C18orf54: variants seen among roughly 807,000 people sequenced by gnomAD.
The protein encoded by C18orf54 is lung adenoma susceptibility protein 2.
Under a neutral mutation model 49.3 loss-of-function variants are expected in C18orf54, and 49 were observed. The ratio of observed to expected loss-of-function variants is 0.99; its 90% CI spans 0.79 to 1.26. C18orf54 has a LOEUF of 1.26. Among genes scored for constraint, C18orf54 ranks in the 50% most tolerant of loss-of-function variants. The pLI, the probability that C18orf54 is intolerant of heterozygous loss-of-function variation, is 0.00. For missense variants in C18orf54, 687 were observed against 620.6 expected, an observed-to-expected ratio of 1.11 and a Z score of -1.14; for synonymous variants, 211 against 216.6, an observed-to-expected ratio of 0.97 and a Z score of 0.23.
At chr18:54,363,090 T>C (rs978530363) in intron 5 of C18orf54, among the ~76,000 whole-genome samples, 169 bp downstream of exon 5, 1 of 152,236 alleles carries the variant, frequency 6.6e-6, no homozygotes, top group African/African-American at 2.4e-5. Context: ...CACAAGATGG[T>C]ATAATGGTTC....
chr18:54,364,894 A>ATC (rs1184541121), intron 5 of C18orf54, among the ~76,000 whole-genome samples: 2 of 152,100 alleles, frequency 1.3e-5, no homozygotes, highest in African/African-American at 4.8e-5. Flanking sequence ...AGATTCTTAG[A>ATC]TATCTGAGTT....
Position 54,360,622 on chromosome 18 carries a change from T to TA in C18orf54, c.51dup (p.Ser18IlefsTer12). 1 of 1,614,080 alleles carries TA rather than the reference T, an allele frequency of 6.2e-7. No individual in the cohort carries two copies. The highest frequency in any genetic ancestry group is 8.5e-7 in the Non-Finnish European group (1 of 1,179,934). ...AGACTTTGTTCTCAGGAATCTTCAGTATCTGCCCTGCTGGCAAGCTGCACC... is the reference window on the plus strand; with the variant it reads ...AGACTTTGTTCTCAGGAATCTTCAGTAATCTGCCCTGCTGGCAAGCTGCACC... On this transcript the variant is annotated frameshift_variant, in exon 3 of 9. Coordinates refer to ENST00000620105, the MANE Select transcript of C18orf54 (RefSeq NM_001288980.2). LOFTEE classifies it high-confidence loss of function.
intron 8 of C18orf54, 75 bp from the exon 9 acceptor site, chr18:54,378,099 A>ATTTAT (rs2089606116): frequency 6.2e-6 from 7 of 1,125,740 alleles, no homozygotes; most frequent in African/African-American, 3.2e-5. Context: ...AACTTTATTT[A>ATTTAT]TTTTTTTGCT....
At chr18:54,377,461 C>T (rs1341060970) in intron 8 of C18orf54, among the ~76,000 whole-genome samples, 2 of 151,928 alleles carry the variant, frequency 1.3e-5, no homozygotes, top group Admixed American at 6.6e-5. Flanking sequence ...AGTGGTCCTC[C>T]AGGAACTGAA....
In C18orf54 at chr18:54,362,130, T is replaced by C; in HGVS notation, c.771T>C (p.Pro257=). 1.3e-6 allele frequency: 2 copies of C among 1,536,618 alleles called. No homozygotes were observed. The highest frequency in any genetic ancestry group is 4.9e-5 in the East Asian group (2 of 40,920). ...ATGTTTCAGGGATAACTAGTATACC[T>C]GATTTCAAATACCCAGTCTGGCTGC... ...DLNVSGITSI[P]DFKYPVWLHN... Residue 257 remains proline (P), a synonymous_variant, in exon 4 of 9, where the codon CCT becomes CCC. Transcript: ENST00000620105.
intron 8 of C18orf54, among the ~76,000 whole-genome samples, chr18:54,376,966 C>T (rs923391348): frequency 6.6e-6 from 1 of 151,406 alleles, no homozygotes; most frequent in African/African-American, 2.4e-5. Context: ...TACCTTTCTG[C>T]TCACCATAAA....
intron 2 of C18orf54, among the ~76,000 whole-genome samples, chr18:54,359,721 C>T (rs978027545): frequency 1.3e-5 from 2 of 152,214 alleles, no homozygotes; most frequent in East Asian, 1.9e-4. Context: ...CCGGTTCGTT[C>T]TGTGATTTCT....
In C18orf54 at chr18:54,362,315, C is replaced by T. The variant is rs1467660499; in HGVS notation, c.956C>T (p.Ser319Leu). Reference protein sequence around the residue: ...FEYAFEPSNFSNSLSDDKELV... With the variant: ...FEYAFEPSNFLNSLSDDKELV... ...TATGCTTTTGAACCCTCAAACTTTT[C>T]AAATTCCTTGAGTGATGATAAAGAA... is the stretch of plus-strand genomic sequence containing the variant. Residue 319 changes from serine (S) to leucine (L), a missense_variant, in exon 4 of 9, where the codon TCA (serine) becomes TTA (leucine). Transcript: ENST00000620105. 1.3e-6 allele frequency: 2 copies of T among 1,536,034 alleles called. No individual in the cohort carries two copies. The highest frequency in any genetic ancestry group is 2.0e-5 in the Admixed American group (1 of 50,984).
intron 6 of C18orf54, among the ~76,000 whole-genome samples, chr18:54,369,522 C>T (rs1376793411): frequency 7.3e-5 from 10 of 137,054 alleles, no homozygotes; most frequent in African/African-American, 1.4e-4. Flanking sequence ...CAGGCTGGAG[C>T]GCAGTGGCAC....
At chr18:54,369,168 A>G (rs1278292824) in intron 6 of C18orf54, among the ~76,000 whole-genome samples, 3 of 152,152 alleles carry the variant, frequency 2.0e-5, no homozygotes, top group African/African-American at 7.2e-5. Context: ...ACATATGTAC[A>G]TTTCTTTATC....
intron 4 of C18orf54, 52 bp from the exon 5 acceptor site, chr18:54,362,719 G>A: frequency 6.7e-7 from 1 of 1,497,640 alleles, no homozygotes; most frequent in Non-Finnish European, 9.0e-7. Flanking sequence ...ATTTTGCTAT[G>A]CTTTACATTA....
At chr18:54,370,040 G>A (rs1379168903) in intron 6 of C18orf54, among the ~76,000 whole-genome samples, 1 of 152,002 alleles carries the variant, frequency 6.6e-6, no homozygotes, top group Admixed American at 6.6e-5. Context: ...ACTTTGGGAG[G>A]CCGAGGCGAG....
chr18:54,365,509 G>T (rs2089363358), intron 5 of C18orf54, among the ~76,000 whole-genome samples: 1 of 151,956 alleles, frequency 6.6e-6, no homozygotes, highest in Admixed American at 6.6e-5. Context: ...CTTGAAGACA[G>T]AAGCAGGGAG....
At chr18:54,368,857 A>G (rs1231354219) in intron 6 of C18orf54, among the ~76,000 whole-genome samples, 1 of 152,200 alleles carries the variant, frequency 6.6e-6, no homozygotes, top group Non-Finnish European at 1.5e-5. Flanking sequence ...TTATATTAGT[A>G]CAGATTCACT....
intron 7 of C18orf54, 44 bp downstream of exon 7, chr18:54,372,641 A>G (rs1198683600): frequency 4.6e-6 from 7 of 1,506,252 alleles, no homozygotes; most frequent in Middle Eastern, 1.8e-4. Flanking sequence ...GTGAATTTGT[A>G]TAAAGATTTT....
chr18:54,360,751 A>C lies in C18orf54; in HGVS notation c.179A>C (p.Asp60Ala). The C allele has an allele frequency of 6.2e-7, 1 of 1,613,974 alleles. No individual in the cohort carries two copies. Among genetic ancestry groups the C allele is most frequent in the South Asian group, 1.1e-5 (1 of 91,078 alleles). ...CTACAGGCTTATATTGATGATTTTG[A>C]TCTAGGCCAAATATATCCTGGTGCA... ...QALQAYIDDF[D>A]LGQIYPGAST... Residue 60 changes from aspartate (D) to alanine (A), a missense_variant, in exon 3 of 9, where the codon GAT (aspartate) becomes GCT (alanine). Physicochemically the swap from Asp to Ala is moderately radical, Grantham distance 126 (BLOSUM62 -2). Transcript: ENST00000620105.
At chr18:54,360,990 T>G in intron 3 of C18orf54, 135 bp downstream of exon 3, 1 of 828,012 alleles carries the variant, frequency 1.2e-6, no homozygotes, top group Non-Finnish European at 1.8e-6. Context: ...ATCTGGGTGT[T>G]TTTGTAAAAT....
Position 54,381,311 on chromosome 18 carries a change from C to G in C18orf54, c.*3065C>G, listed in dbSNP as rs949635243. ...TCCTCCCAGTGTATTCTGCATTGTC[C>G]TTACCCTAGATCAGCCCCTTCTGTG... On this transcript the variant is annotated 3_prime_UTR_variant, in exon 9 of 9. Coordinates refer to ENST00000620105, the MANE Select transcript of C18orf54 (RefSeq NM_001288980.2). 2 of 128,954 alleles carry G rather than the reference C, an allele frequency of 1.6e-5. No homozygotes were observed. Among genetic ancestry groups the G allele is most frequent in the Non-Finnish European group, 3.2e-5 (2 of 61,628 alleles). 8.0% of individuals were successfully genotyped at this position (128,954 alleles called of 1,614,324 possible). A position where few individuals can be genotyped will look rare whatever the true frequency, so the allele number is the denominator to read the frequency against.
At position 54,378,211 on chromosome 18, in the gene C18orf54, G is replaced by C; in HGVS notation, c.1567G>C (p.Asp523His). The C allele has an allele frequency of 6.2e-7, 1 of 1,613,608 alleles. No individual in the cohort carries two copies. Among genetic ancestry groups the C allele is most frequent in the Non-Finnish European group, 8.5e-7 (1 of 1,179,726 alleles). Residue 523 changes from aspartate to histidine, a missense_variant, in exon 9 of 9, where the codon GAT becomes CAT. Asp to His is a moderately conservative substitution (Grantham distance 81). Coordinates refer to ENST00000620105, the MANE Select transcript of C18orf54 (RefSeq NM_001288980.2). ...HHLSRLRDLVDDTNGERSPKM is the reference protein window; with the variant it reads ...HHLSRLRDLVHDTNGERSPKM ...TTTATCTCGCCTGAGAGACCTGGTT[G>C]ATGATACGAATGGAGAACGGTCACC...
Sources: gnomAD v4.1 joint callset for allele counts (sites outside exome capture counted in the v4.1 genomes callset) on GRCh38, gnomAD v4.1.1 for gene constraint, MANE v1.5 for transcripts, NCBI Gene and HGNC (gene_info 2026-07-23, HGNC 2026-07-21) for gene names.